Variants in FRMPD4 observed in about 807,000 individuals in gnomAD.
FRMPD4 encodes FERM and PDZ domain-containing protein 4.
In FRMPD4, 22 loss-of-function variants were observed where a neutral mutation model predicts 94.1. The ratio of observed to expected loss-of-function variants is 0.23; its 90% CI spans 0.17 to 0.33. FRMPD4 has a LOEUF of 0.33. Ranked by LOEUF, FRMPD4 falls within the 10% of genes least tolerant of loss-of-function variation. The pLI is 1.00. For synonymous variants in FRMPD4, 631 were observed against 548.6 expected (o/e 1.15, Z -2.10); for missense variants, 1,111 against 1,339.9 (o/e 0.83, Z 2.67).
chrX:12,052,483 T>A (rs1400882106), intron 3 of FRMPD4, among the ~76,000 whole-genome samples: 3 of 112,152 alleles, frequency 2.7e-5, no homozygotes, highest in African/African-American at 9.7e-5. Flanking sequence ...AATAAAATGC[T>A]TGGTGTTTGT....
chrX:12,471,165 G>C (rs1351933588), intron 1 of FRMPD4, among the ~76,000 whole-genome samples: 1 of 111,336 alleles, frequency 9.0e-6, no homozygotes, highest in Non-Finnish European at 1.9e-5. Flanking sequence ...CAGTTTCTGT[G>C]AGCATTTCAG....
rs190822446 is a variant in FRMPD4, at chrX:12,028,742, C to A, written c.95+150724C>A. Among the ~76,000 whole-genome samples, 5 of 111,701 alleles carry A rather than the reference C, an allele frequency of 4.5e-5. No homozygotes were observed. In the East Asian group the frequency reaches 1.4e-3, roughly 31 times the overall value. On this transcript the variant is annotated intron_variant, in intron 3 of 18. Coordinates refer to the FRMPD4 transcript ENST00000640291. ...TAGTTGGAATCATGCAGTATATAGC[C>A]TTCTCAGATTGGCTTCTTTCACTTA...
chrX:11,908,217 T>G (rs1270566166), intron 3 of FRMPD4, among the ~76,000 whole-genome samples: 1 of 111,862 alleles, frequency 8.9e-6, no homozygotes, highest in African/African-American at 3.2e-5. Context: ...ATCTTTAATT[T>G]TTTGCTGGAT....
At chrX:12,162,302 T>A (rs2056039409) in intron 1 of FRMPD4, among the ~76,000 whole-genome samples, 1 of 112,305 alleles carries the variant, frequency 8.9e-6, no homozygotes, top group African/African-American at 3.2e-5. Context: ...TTAATTGAGA[T>A]GGAGTGTGTG....
chrX:12,260,334 T>A (rs1247798833), intron 1 of FRMPD4, among the ~76,000 whole-genome samples: 1 of 112,179 alleles, frequency 8.9e-6, no homozygotes, highest in Admixed American at 9.4e-5. Flanking sequence ...TCCAAATTTA[T>A]CCTATGTTCT....
At chrX:12,612,304 C>T (rs976424839) in intron 3 of FRMPD4, among the ~76,000 whole-genome samples, 8 of 111,658 alleles carry the variant, frequency 7.2e-5, no homozygotes, top group Middle Eastern at 4.6e-3. Flanking sequence ...TTCTCCTTAG[C>T]TTCAAAGACA....
intron 1 of FRMPD4, among the ~76,000 whole-genome samples, chrX:12,330,404 T>C (rs1486277512): frequency 1.8e-5 from 2 of 111,418 alleles, no homozygotes; most frequent in Non-Finnish European, 3.8e-5. Flanking sequence ...TTATTCCTAA[T>C]TCCAAGAGGG....
chrX:12,367,674 G>C (rs150663364), intron 1 of FRMPD4, among the ~76,000 whole-genome samples: 2 of 111,091 alleles, frequency 1.8e-5, no homozygotes, highest in African/African-American at 6.6e-5. Flanking sequence ...GAGATGCTTC[G>C]AGGTCCTTTC....
At chrX:12,476,601 C>T (rs1025560221) in intron 1 of FRMPD4, among the ~76,000 whole-genome samples, 1 of 111,621 alleles carries the variant, frequency 9.0e-6, no homozygotes, top group Non-Finnish European at 1.9e-5. Context: ...CTACAATGAA[C>T]TCAAACAAAT....
intron 1 of FRMPD4, among the ~76,000 whole-genome samples, chrX:12,165,237 G>T (rs2056095386): frequency 8.9e-6 from 1 of 112,341 alleles, no homozygotes; most frequent in African/African-American, 3.2e-5. Flanking sequence ...TAAGGTGTAA[G>T]GAAGGGATCC....
intron 1 of FRMPD4, among the ~76,000 whole-genome samples, chrX:12,417,993 CAAAA>C (rs757060426): frequency 8.8e-5 from 3 of 34,070 alleles, no homozygotes; most frequent in South Asian, 1.5e-3. Context: ...GACTCTGTCT[CAAAA>C]AAAAAAAAAA....
intron 1 of FRMPD4, among the ~76,000 whole-genome samples, chrX:12,189,161 T>C (rs2056460257): frequency 9.0e-6 from 1 of 111,403 alleles, no homozygotes; most frequent in Admixed American, 9.5e-5. Context: ...TATGAACAAA[T>C]TTGGAAACCT....
chrX:12,710,468 C>T lies in FRMPD4; in HGVS notation c.1540C>T (p.Leu514=), dbSNP rs755398603. The stretch of plus-strand genomic sequence containing the variant: ...CTGCTTGACGGCTGGATACTACCGG[C>T]TGCTTGTTGATTCCAGGAGGTCGAT... ...LACLTAGYYR[L]LVDSRRSIFN... The change falls in exon 14 of 17, where the codon CTG becomes TTG. Residue 514 remains leucine (L), a synonymous_variant. Transcript: ENST00000675598. 5 of 1,201,603 alleles carry T rather than the reference C, an allele frequency of 4.2e-6. No homozygotes were observed. The East Asian group carries it at 1.5e-4, about 36-fold the overall frequency.
chrX:12,718,609 A>G lies in FRMPD4; in HGVS notation c.3783A>G (p.Ser1261=). The change falls in exon 16 of 17, where the codon TCA becomes TCG. Residue 1261 remains serine (S), a synonymous_variant. Transcript: ENST00000675598. ...GGAAAGGCGTGAATTACATTCCTTC[A>G]GAGGAGAGAGCCCCTGGGCTTCCCA... ...ASGKGVNYIP[S]EERAPGLPNH... 8.3e-7 allele frequency: 1 copy of G among 1,210,847 alleles called. No homozygotes were observed. The highest frequency in any genetic ancestry group is 3.0e-5 in the East Asian group (1 of 33,842).
intron 4 of FRMPD4, among the ~76,000 whole-genome samples, chrX:12,624,363 C>A (rs1200388058): frequency 8.9e-6 from 1 of 111,969 alleles, no homozygotes; most frequent in Non-Finnish European, 1.9e-5. Context: ...AGTATTACAT[C>A]AATAACATAT....
intron 3 of FRMPD4, among the ~76,000 whole-genome samples, chrX:12,095,070 G>A (rs188982325): frequency 4.4e-4 from 49 of 111,350 alleles, no homozygotes; most frequent in African/African-American, 1.3e-3. Flanking sequence ...CCTAAGAATT[G>A]TTGAGAAAAG....
At chrX:12,511,786 A>C (rs2058045610) in intron 2 of FRMPD4, among the ~76,000 whole-genome samples, 1 of 112,244 alleles carries the variant, frequency 8.9e-6, no homozygotes, top group South Asian at 3.7e-4. Flanking sequence ...TGCAAATTCA[A>C]GAGGCTCAAA....
intron 1 of FRMPD4, among the ~76,000 whole-genome samples, chrX:12,472,963 C>T (rs367768663): frequency 6.5e-5 from 7 of 107,443 alleles, no homozygotes; most frequent in East Asian, 5.7e-4. Context: ...ATACAGAGAA[C>T]GCCACAAAGA....
chrX:11,965,651 T>C (rs994550073), intron 3 of FRMPD4, among the ~76,000 whole-genome samples: 4 of 112,246 alleles, frequency 3.6e-5, no homozygotes, highest in African/African-American at 1.3e-4. Context: ...CATCTTCCTG[T>C]TTAATCATTG....
Sources: gnomAD v4.1 joint callset for allele counts (sites outside exome capture counted in the v4.1 genomes callset) on GRCh38, gnomAD v4.1.1 for gene constraint, MANE v1.5 for transcripts, NCBI Gene and HGNC (gene_info 2026-07-23, HGNC 2026-07-21) for gene names.